Variants in MOGAT1 observed in about 807,000 individuals in gnomAD.
MOGAT1 encodes 2-acylglycerol O-acyltransferase 1.
A neutral mutation model predicts 31.4 loss-of-function variants in MOGAT1; 32 were observed. The observed-to-expected ratio is 1.02, with a 90% CI of 0.77 to 1.37. MOGAT1 has a LOEUF of 1.37. Among genes scored for constraint, MOGAT1 ranks in the 40% most tolerant of loss-of-function variants. The pLI, the probability that MOGAT1 is intolerant of heterozygous loss-of-function variation, is 0.00. For missense variants in MOGAT1, 426 were observed against 402.0 expected (o/e 1.06, Z -0.51); for synonymous variants, 145 against 144.5 (o/e 1.00, Z -0.03).
chr2:222,692,188 T>C (rs1692772783), intron 3 of MOGAT1, among the ~76,000 whole-genome samples: 1 of 152,016 alleles, frequency 6.6e-6, no homozygotes, highest in African/African-American at 2.4e-5. Context: ...AAGCGGCCTG[T>C]TGAGTGATGA....
rs772422741 is a variant in MOGAT1 at position 222,695,216 on chromosome 2, C to G, written c.781C>G (p.Leu261Val). Residue 261 changes from leucine (L) to valine (V), a missense_variant, in exon 5 of 6, where the codon CTG becomes GTG. By Grantham distance (32) the Leu-to-Val change is conservative. Coordinates refer to ENST00000446656, the MANE Select transcript of MOGAT1 (RefSeq NM_058165.3). ...GAAGATCATGGGGTTTGCTTTGCCC[C>G]TGTTTCATGCCAGGGGAGTTTTTCA... Reference protein sequence around the residue: ...LQKIMGFALPLFHARGVFQYN... With the variant: ...LQKIMGFALPVFHARGVFQYN... 4.3e-6 allele frequency: 7 copies of G among 1,613,594 alleles called. No homozygotes were observed. The Admixed American group carries it at 8.3e-5, about 19-fold the overall frequency.
chr2:222,707,337 AAGAAAGAAAGAAAAAGAAAGAAAG>A (rs1163049534), intron 5 of MOGAT1, among the ~76,000 whole-genome samples: 54 of 136,806 alleles, frequency 3.9e-4, no homozygotes, highest in Middle Eastern at 3.9e-3. Flanking sequence ...AAGAAAGAAA[AAGAAAGAAAGAAAAAGAAAGAAAG>A]AGAAAGAAAG....
intron 5 of MOGAT1, chr2:222,699,218 G>C (rs1295280929): frequency 6.6e-6 from 1 of 152,124 alleles, no homozygotes; most frequent in Admixed American, 6.5e-5. Context: ...TGGCCAGAAT[G>C]GTCTCGATCT....
chr2:222,673,365 C>T (rs181012002), intron 1 of MOGAT1, among the ~76,000 whole-genome samples: 70 of 124,682 alleles, frequency 5.6e-4, no homozygotes, highest in African/African-American at 2.2e-3. Context: ...AAAGTGTTAA[C>T]TCATTAAGTC....
chr2:222,671,659 C>T lies in MOGAT1; in HGVS notation c.-127C>T. On this transcript the variant is annotated 5_prime_UTR_variant, in exon 1 of 6. Coordinates refer to ENST00000446656, the MANE Select transcript of MOGAT1 (RefSeq NM_058165.3). Reference sequence around the variant, plus strand: ...GTCCCCGCTCGCTGCCTAGCCTCTGCCTTTTCCTCTCCGCCCAGCCAGTGC... The same window carrying T: ...GTCCCCGCTCGCTGCCTAGCCTCTGTCTTTTCCTCTCCGCCCAGCCAGTGC... 1.3e-6 allele frequency: 1 copy of T among 783,840 alleles called. No homozygotes were observed. The highest frequency in any genetic ancestry group is 2.0e-6 in the Non-Finnish European group (1 of 487,974). 48.6% of individuals were successfully genotyped at this position (783,840 alleles called of 1,614,324 possible). A position where few individuals can be genotyped will look rare whatever the true frequency, so the allele number is the denominator to read the frequency against.
At chr2:222,694,959 T>C (rs374088506) in intron 4 of MOGAT1, 130 bp from the exon 5 acceptor site, 9 of 580,808 alleles carry the variant, frequency 1.5e-5, no homozygotes, top group African/African-American at 1.4e-4. Flanking sequence ...GAACGTGAAG[T>C]TAGCAATATA....
intron 1 of MOGAT1, among the ~76,000 whole-genome samples, chr2:222,677,293 C>T (rs1323006199): frequency 6.6e-6 from 1 of 152,112 alleles, no homozygotes; most frequent in African/African-American, 2.4e-5. Context: ...TATAAAAATA[C>T]TTATTGGCTG....
chr2:222,672,037 G>T (rs184481559), intron 1 of MOGAT1, among the ~76,000 whole-genome samples, 158 bp downstream of exon 1: 1 of 152,308 alleles, frequency 6.6e-6, no homozygotes, highest in Non-Finnish European at 1.5e-5. Flanking sequence ...GTGGACTCTG[G>T]TTTCCTCACG....
chr2:222,696,086 G>A (rs548350692), intron 5 of MOGAT1, among the ~76,000 whole-genome samples: 34 of 152,276 alleles, frequency 2.2e-4, no homozygotes, highest in African/African-American at 8.2e-4. Flanking sequence ...TGCTGAAAAT[G>A]CCATTATTTC....
At chr2:222,682,921 C>G (rs1432705993) in intron 1 of MOGAT1, among the ~76,000 whole-genome samples, 1 of 152,158 alleles carries the variant, frequency 6.6e-6, no homozygotes, top group East Asian at 1.9e-4. Flanking sequence ...AAACAGAATA[C>G]AGCCAGGTAC....
At chr2:222,694,565 G>A (rs764219175) in intron 4 of MOGAT1, 29 bp downstream of exon 4, 15 of 1,600,772 alleles carry the variant, frequency 9.4e-6, no homozygotes, top group East Asian at 2.2e-5. Flanking sequence ...AAAGTAGGGG[G>A]TCAGAAAAGT....
intron 3 of MOGAT1, among the ~76,000 whole-genome samples, chr2:222,689,712 T>C (rs1327206887): frequency 1.3e-5 from 2 of 152,208 alleles, no homozygotes; most frequent in East Asian, 1.9e-4. Context: ...GCCTGGAACA[T>C]AGAAATGTTC....
chr2:222,697,576 C>CTTTTTTTTT (rs35259095), intron 5 of MOGAT1, among the ~76,000 whole-genome samples: 1 of 96,030 alleles, frequency 1.0e-5, no homozygotes, highest in Admixed American at 1.2e-4. Flanking sequence ...TTATCAGAAT[C>CTTTTTTTTT]TTTTTTTTTT....
chr2:222,700,041 A>G (rs538913373), intron 5 of MOGAT1, among the ~76,000 whole-genome samples: 1 of 152,364 alleles, frequency 6.6e-6, no homozygotes, highest in South Asian at 2.1e-4. Context: ...CTTTTTTGGC[A>G]TAACATTCAT....
At chr2:222,679,575 C>T (rs922676819) in intron 1 of MOGAT1, among the ~76,000 whole-genome samples, 2 of 152,198 alleles carry the variant, frequency 1.3e-5, no homozygotes, top group Non-Finnish European at 2.9e-5. Flanking sequence ...AGTACAATTA[C>T]CCAAATCAGA....
At chr2:222,680,992 C>T (rs1013500861) in intron 1 of MOGAT1, among the ~76,000 whole-genome samples, 2 of 152,032 alleles carry the variant, frequency 1.3e-5, no homozygotes, top group Non-Finnish European at 2.9e-5. Context: ...GAAAGGGTAG[C>T]GACAAGAGAG....
In MOGAT1 at chr2:222,695,115, T is replaced by C. The variant is rs372922713; in HGVS notation, c.680T>C (p.Phe227Ser). The C allele has an allele frequency of 2.5e-6, 4 of 1,605,454 alleles. No homozygotes were observed. Among genetic ancestry groups the C allele is most frequent in the African/African-American group, 1.3e-5 (1 of 74,418 alleles). ...GCCTCTCTGGTCCCAGTGGTTTCTT[T>C]TGGTGAAAATGAACTGTTTAAACAA... ...HGASLVPVVS[F>S]GENELFKQTD... The change falls in exon 5 of 6, where the codon TTT becomes TCT. Residue 227 changes from phenylalanine to serine, a missense_variant. Physicochemically the swap from Phe to Ser is radical, Grantham distance 155 (BLOSUM62 -2). Transcript: ENST00000446656.
At chr2:222,688,886 C>T (rs1246259737) in intron 2 of MOGAT1, among the ~76,000 whole-genome samples, 1 of 152,178 alleles carries the variant, frequency 6.6e-6, no homozygotes, top group Non-Finnish European at 1.5e-5. Context: ...GTGATAATGG[C>T]GTTAATCCAT....
chr2:222,690,550 C>T (rs563395756), intron 3 of MOGAT1, among the ~76,000 whole-genome samples: 230 of 152,196 alleles, frequency 1.5e-3, no homozygotes, highest in African/African-American at 5.4e-3. Context: ...GAGCGATACT[C>T]CGTCTCAAAA....
Sources: allele counts gnomAD v4.1 joint callset (sites outside exome capture counted in the v4.1 genomes callset), GRCh38; gene constraint gnomAD v4.1.1; transcripts MANE v1.5; gene names NCBI Gene and HGNC (gene_info 2026-07-23, HGNC 2026-07-21).